Variants in NEBL observed in about 807,000 individuals in gnomAD.
The protein encoded by NEBL is LIM and SH3 protein 2.
In NEBL, 122 loss-of-function variants were observed where a neutral mutation model predicts 140.2. The ratio of observed to expected loss-of-function variants is 0.87; its 90% confidence interval spans 0.75 to 1.01. The LOEUF is 1.01. Ranked by LOEUF, NEBL falls within the 50% of genes least tolerant of loss-of-function variation. The pLI, the probability that NEBL is intolerant of heterozygous loss-of-function variation, is 0.00. For synonymous variants in NEBL, 436 were observed against 398.9 expected (o/e 1.09, Z -1.11); for missense variants, 1,365 against 1,231.3 (o/e 1.11, Z -1.62).
At chr10:21,144,310 G>A (rs1017505805) in intron 2 of NEBL, among the ~76,000 whole-genome samples, 2 of 152,228 alleles carry the variant, frequency 1.3e-5, no homozygotes, top group Admixed American at 6.5e-5. Flanking sequence ...GCTGGGCACC[G>A]TTCCCCTTCC....
intron 2 of NEBL, among the ~76,000 whole-genome samples, chr10:21,089,468 G>A (rs1836804927): frequency 1.3e-5 from 2 of 152,142 alleles, no homozygotes; most frequent in Admixed American, 1.3e-4. Context: ...TACTGGAGAA[G>A]GGGAGCAAGA....
intron 3 of NEBL, chr10:21,217,895 G>A (rs1842017090): frequency 6.6e-6 from 1 of 152,318 alleles, no homozygotes; most frequent in Non-Finnish European, 1.5e-5. Context: ...TACTCTAAGG[G>A]TGCAACCTAC....
intron 26 of NEBL, among the ~76,000 whole-genome samples, chr10:20,797,808 A>G (rs571437089): frequency 1.4e-4 from 22 of 152,308 alleles, no homozygotes; most frequent in African/African-American, 5.3e-4. Flanking sequence ...ATCAAGGACC[A>G]GAATGAAAAA....
intron 2 of NEBL, among the ~76,000 whole-genome samples, chr10:21,072,899 GA>G (rs1835884749): frequency 6.6e-6 from 1 of 152,218 alleles, no homozygotes; most frequent in African/African-American, 2.4e-5. Flanking sequence ...GCTGAGGCAT[GA>G]GAATTGCTTA....
rs1264075588 is a variant in NEBL, at chr10:20,903,512, T to A, written c.357+58160A>T. Among the ~76,000 whole-genome samples, 9 of 152,180 alleles carry A rather than the reference T, an allele frequency of 5.9e-5. No homozygotes were observed. In the East Asian group the frequency reaches 1.5e-3, roughly 26 times the overall value. On this transcript the variant is annotated intron_variant, in intron 4 of 6. Coordinates refer to the NEBL transcript ENST00000417816. ...CCATAGGATTCAGCAATCCCACTAC[T>A]GGGTATCTACCCAAAAGAAAAGAAG...
At chr10:21,069,804 T>C (rs539075722) in intron 2 of NEBL, 51 of 345,920 alleles carry the variant, frequency 1.5e-4, no homozygotes, top group South Asian at 1.1e-3. Context: ...ATTATTGTAT[T>C]CATCTGATCA....
At chr10:21,010,316 C>T (rs1838286377) in intron 3 of NEBL, among the ~76,000 whole-genome samples, 2 of 152,180 alleles carry the variant, frequency 1.3e-5, no homozygotes, top group Admixed American at 1.3e-4. Context: ...ACAATCACAG[C>T]TCACTACAAC....
chr10:20,886,640 G>A (rs1846546250), intron 4 of NEBL, among the ~76,000 whole-genome samples: 1 of 152,086 alleles, frequency 6.6e-6, no homozygotes, highest in Non-Finnish European at 1.5e-5. Context: ...TAGACTCTGG[G>A]GCCAGACTGC....
At chr10:21,021,423 G>A (rs1175205554) in intron 2 of NEBL, among the ~76,000 whole-genome samples, 1 of 152,128 alleles carries the variant, frequency 6.6e-6, no homozygotes, top group Non-Finnish European at 1.5e-5. Context: ...AGGCCCCCAT[G>A]GCCAGGCCTC....
intron 4 of NEBL, among the ~76,000 whole-genome samples, chr10:20,910,058 G>A (rs1848267408): frequency 6.6e-6 from 1 of 152,170 alleles, no homozygotes; most frequent in Admixed American, 6.5e-5. Context: ...AGATTCTCAG[G>A]GTAGGACTCT....
At chr10:21,207,549 A>G (rs1023470548) in intron 3 of NEBL, among the ~76,000 whole-genome samples, 11 of 151,594 alleles carry the variant, frequency 7.3e-5, no homozygotes, top group Admixed American at 1.3e-4. Context: ...TCCTTTCTCC[A>G]CCCTACTTTG....
chr10:20,803,254 A>G (rs922203013), intron 26 of NEBL, among the ~76,000 whole-genome samples: 5 of 152,194 alleles, frequency 3.3e-5, no homozygotes, highest in African/African-American at 1.2e-4. Flanking sequence ...AGCTAGAAGG[A>G]TGTTTAATGT....
At chr10:21,231,975 G>C (rs529685787) in intron 3 of NEBL, among the ~76,000 whole-genome samples, 2 of 152,084 alleles carry the variant, frequency 1.3e-5, no homozygotes, top group Admixed American at 6.6e-5. Flanking sequence ...ATCAGCATTA[G>C]TGTTAAAATA....
intron 4 of NEBL, among the ~76,000 whole-genome samples, chr10:20,934,923 C>A (rs12251534): frequency 0.046 from 7,008 of 152,124 alleles, 452 homozygotes; most frequent in African/African-American, 0.14. Context: ...GACAGTATCA[C>A]GATAGGTCAA....
intron 2 of NEBL, among the ~76,000 whole-genome samples, chr10:21,061,356 T>TGTGATATGTAACATGTTACATATTATGTG (rs1333104484): frequency 1.3e-5 from 2 of 148,432 alleles, no homozygotes; most frequent in African/African-American, 4.9e-5. Flanking sequence ...TGTTACATAA[T>TGTGATATGTAACATGTTACATATTATGTG]ATATGGGTCA....
intron 18 of NEBL, among the ~76,000 whole-genome samples, chr10:20,825,784 T>A (rs1412326686): frequency 1.3e-5 from 2 of 152,112 alleles, no homozygotes; most frequent in African/African-American, 4.8e-5. Flanking sequence ...ATCCGTAATA[T>A]TAAGCACCTT....
At chr10:20,995,086 C>G (rs1251107399) in intron 3 of NEBL, among the ~76,000 whole-genome samples, 2 of 152,190 alleles carry the variant, frequency 1.3e-5, no homozygotes, top group Non-Finnish European at 2.9e-5. Flanking sequence ...GGAGAAAACA[C>G]GGAGGGCATG....
rs1554834232 is a variant in NEBL, at chr10:21,233,928, C to CATATATGGATATATATTACATATATATAT, written n.348+13992_348+13993insATATATATATGTAATATATATCCATATAT. On this transcript the variant is annotated intron_variant and non_coding_transcript_variant, in intron 3 of 8. Coordinates refer to the NEBL transcript ENST00000675702. ...TATGCATATATATGGATATATATTA[C>CATATATGGATATATATTACATATATATAT]ATATATATATATATGCTGGATGTGC... Among the ~76,000 whole-genome samples, 18 of 131,700 alleles carry CATATATGGATATATATTACATATATATAT rather than the reference C, an allele frequency of 1.4e-4. 1 individual carries two copies. In the South Asian group the frequency reaches 1.9e-3, roughly 14 times the overall value. The allele number at this position is 131,700 out of a possible 152,430, so 86.4% of individuals were successfully genotyped here. A position where few individuals can be genotyped will look rare whatever the true frequency, so the allele number is the denominator to read the frequency against.
chr10:21,109,049 G>C (rs1413843924), intron 2 of NEBL, among the ~76,000 whole-genome samples: 1 of 152,102 alleles, frequency 6.6e-6, no homozygotes, highest in African/African-American at 2.4e-5. Context: ...AATAGGAGTG[G>C]GGAGAGAGGG....
Sources: gnomAD v4.1 joint callset for allele counts (sites outside exome capture counted in the v4.1 genomes callset) on GRCh38, gnomAD v4.1.1 for gene constraint, MANE v1.5 for transcripts, NCBI Gene and HGNC (gene_info 2026-07-23, HGNC 2026-07-21) for gene names.